PAM: variants seen among roughly 807,000 people sequenced by gnomAD.
PAM encodes peptidyl-glycine alpha-amidating monooxygenase.
In PAM, 72 loss-of-function variants were observed where a neutral mutation model predicts 122.1. The observed-to-expected ratio is 0.59, with a 90% CI of 0.49 to 0.72. The LOEUF (loss-of-function observed/expected upper bound fraction) is 0.72, where lower values mean the gene tolerates loss of function less well. PAM is among the 30% of genes least tolerant of loss of function. PAM has a pLI of 0.00. For synonymous variants in PAM, 389 were observed against 404.4 expected, an observed-to-expected ratio of 0.96 and a Z score of 0.46; for missense variants, 1,106 against 1,183.7, an observed-to-expected ratio of 0.93 and a Z score of 0.96.
intron 1 of PAM, among the ~76,000 whole-genome samples, chr5:102,826,522 A>T (rs547052167): frequency 6.6e-6 from 1 of 152,250 alleles, no homozygotes; most frequent in African/African-American, 2.4e-5. Context: ...GAGAGGAAAA[A>T]ACATTCGAGG....
At chr5:103,026,099 A>G (rs1297265209) in intron 24 of PAM, among the ~76,000 whole-genome samples, 1 of 152,216 alleles carries the variant, frequency 6.6e-6, no homozygotes, top group Non-Finnish European at 1.5e-5. Flanking sequence ...GTCCAATACC[A>G]GAGTTAGTAT....
rs749231308 is a variant in PAM, at chr5:102,950,021, C to G, written c.801+43C>G. ...TAATTTTGAGAGAAAAAAATATTAA[C>G]CAGCAGAAAGTAATTTTTAAAAATT... On this transcript the variant is annotated intron_variant, in intron 11 of 25. Coordinates refer to ENST00000438793, the MANE Select transcript of PAM (RefSeq NM_001177306.2). 4.0e-6 allele frequency: 4 copies of G among 989,382 alleles called. No homozygotes were observed. The African/African-American group carries it at 4.9e-5, about 12-fold the overall frequency. The allele number at this position is 989,382 out of a possible 1,614,324, so 61.3% of individuals were successfully genotyped here.
At chr5:102,939,293 T>A (rs1419516774) in intron 7 of PAM, among the ~76,000 whole-genome samples, 1 of 152,112 alleles carries the variant, frequency 6.6e-6, no homozygotes, top group East Asian at 1.9e-4. Context: ...TAATTATTCT[T>A]TTTTCCATCT....
At chr5:103,020,022 G>A (rs1783114992) in intron 23 of PAM, among the ~76,000 whole-genome samples, 179 bp downstream of exon 23, 1 of 149,916 alleles carries the variant, frequency 6.7e-6, no homozygotes, top group Non-Finnish European at 1.5e-5. Context: ...CTTTTTTTTT[G>A]ATAAATGGAG....
intron 21 of PAM, among the ~76,000 whole-genome samples, chr5:103,012,036 G>A (rs1443444128): frequency 6.6e-6 from 1 of 152,136 alleles, no homozygotes. Flanking sequence ...TTTTCCATAT[G>A]TCTGTTTGCC....
chr5:102,821,865 A>T (rs940996691), intron 1 of PAM, among the ~76,000 whole-genome samples: 1 of 152,212 alleles, frequency 6.6e-6, no homozygotes, highest in Non-Finnish European at 1.5e-5. Flanking sequence ...ACCATAAGCA[A>T]ATTTAAGTTT....
rs1472743673 is a variant in PAM at position 102,957,390 on chromosome 5, C to G, written c.906-2485C>G. ...TTTAGGGAATAGAACCTACTGTATC[C>G]ACGCCCCCCACCCCACCATACAGTC... On this transcript the variant is annotated intron_variant, in intron 12 of 25. Transcript: ENST00000438793. 3.3e-5 allele frequency among the ~76,000 whole-genome samples: 5 copies of G among 152,182 alleles called. No individual in the cohort carries two copies. In the East Asian group the frequency reaches 9.7e-4, roughly 29 times the overall value.
intron 3 of PAM, among the ~76,000 whole-genome samples, chr5:102,881,031 T>C (rs1230454279): frequency 2.3e-4 from 35 of 151,856 alleles, no homozygotes; most frequent in Non-Finnish European, 5.9e-5. Flanking sequence ...GATGGTTTTC[T>C]AGAAAAATAA....
At chr5:102,960,167 A>C in intron 13 of PAM, 108 bp downstream of exon 13, 1 of 635,576 alleles carries the variant, frequency 1.6e-6, no homozygotes, top group South Asian at 2.4e-5. Context: ...TTCTTCTACC[A>C]GTCACATGTA....
Position 103,014,506 on chromosome 5 carries a change from T to A in PAM, c.2332-2828T>A, listed in dbSNP as rs1168340978. 2.0e-5 allele frequency among the ~76,000 whole-genome samples: 3 copies of A among 152,204 alleles called. No individual in the cohort carries two copies. In the East Asian group the frequency reaches 5.8e-4, roughly 29 times the overall value. On this transcript the variant is annotated intron_variant, in intron 21 of 25. Transcript: ENST00000438793. ...TCAGTTTATAAATCTCTCAGAATTT[T>A]CATTAAATAGATTATTATCACAAAG...
chr5:102,934,859 CTTT>C (rs1488029752), intron 7 of PAM, among the ~76,000 whole-genome samples: 2 of 152,070 alleles, frequency 1.3e-5, no homozygotes, highest in Admixed American at 6.6e-5. Context: ...AATGAGAAAA[CTTT>C]AGCCTTCCAA....
intron 1 of PAM, among the ~76,000 whole-genome samples, chr5:102,793,981 A>G (rs1431876308): frequency 6.6e-6 from 1 of 152,226 alleles, no homozygotes; most frequent in Non-Finnish European, 1.5e-5. Context: ...CCATATTTAT[A>G]TAACTACTTA....
At chr5:103,013,257 A>G (rs1781149006) in intron 21 of PAM, among the ~76,000 whole-genome samples, 1 of 151,968 alleles carries the variant, frequency 6.6e-6, no homozygotes. Context: ...TCAGCATTTT[A>G]TAGTTTTCAT....
At chr5:103,009,060 G>A (rs1237709337) in intron 20 of PAM, among the ~76,000 whole-genome samples, 2 of 151,970 alleles carry the variant, frequency 1.3e-5, no homozygotes, top group East Asian at 3.9e-4. Flanking sequence ...TTAATTCTTT[G>A]AAAATGTAGT....
At chr5:102,769,664 A>T (rs1464566153) in intron 1 of PAM, among the ~76,000 whole-genome samples, 2 of 151,960 alleles carry the variant, frequency 1.3e-5, no homozygotes, top group Non-Finnish European at 2.9e-5. Flanking sequence ...GTTCATTTAG[A>T]TGCTTGAATC....
rs1375370204 is a variant in PAM, at chr5:103,003,094, A to G, written c.1675A>G (p.Ile559Val). ...IGLGPIEEDT[I>V]LVIDPNNAAV... is the part of the protein sequence containing the mutation. The stretch of plus-strand genomic sequence containing the variant: ...ACTCGGACCAATTGAAGAAGACACT[A>G]TTCTTGTCATAGATCCAAATAATGC... The change falls in exon 17 of 26, where the codon ATT (isoleucine) becomes GTT (valine). Residue 559 changes from isoleucine (I) to valine (V), a missense_variant. This residue lies in a region of PAM where 670 missense variants were observed against 690.3 expected (regional missense o/e 0.97). Coordinates refer to ENST00000438793, the MANE Select transcript of PAM (RefSeq NM_001177306.2). The G allele has an allele frequency of 5.6e-6, 9 of 1,607,528 alleles. No individual in the cohort carries two copies. The highest frequency in any genetic ancestry group is 6.8e-6 in the Non-Finnish European group (8 of 1,174,128).
intron 1 of PAM, among the ~76,000 whole-genome samples, chr5:102,810,655 C>A (rs578106789): frequency 2.6e-4 from 40 of 151,794 alleles, no homozygotes; most frequent in Non-Finnish European, 5.3e-4. Context: ...ACATGGAGAA[C>A]CCGTCTGTAC....
At chr5:102,864,963 A>C (rs138791886) in intron 1 of PAM, among the ~76,000 whole-genome samples, 4 of 152,334 alleles carry the variant, frequency 2.6e-5, no homozygotes, top group Non-Finnish European at 5.9e-5. Context: ...CTGTAACATT[A>C]GTTCTTCATG....
chr5:102,838,244 T>C (rs1777618130), intron 1 of PAM: 1 of 152,126 alleles, frequency 6.6e-6, no homozygotes, highest in South Asian at 2.1e-4. Flanking sequence ...TGCATGTGAT[T>C]TCATCATTTT....
Sources: gnomAD v4.1 joint callset for allele counts (sites outside exome capture counted in the v4.1 genomes callset) on GRCh38, gnomAD v4.1.1 for gene constraint, gnomAD v4.1.1 regional missense constraint, MANE v1.5 for transcripts, NCBI Gene and HGNC (gene_info 2026-07-23, HGNC 2026-07-21) for gene names.